Variants in HMGXB4 observed in about 807,000 individuals in gnomAD.
HMGXB4 encodes the protein HMG domain-containing protein 4.
HMGXB4 carries 27 observed loss-of-function variants against 63.9 expected under a neutral mutation model. That is an observed-to-expected ratio of 0.42 (90% CI 0.31 to 0.58). HMGXB4 has a LOEUF of 0.58. Among genes scored for constraint, HMGXB4 ranks in the 20% least tolerant of loss-of-function variants. The pLI, the probability that HMGXB4 is intolerant of heterozygous loss-of-function variation, is 0.13. For synonymous variants in HMGXB4, 264 were observed against 265.3 expected, an observed-to-expected ratio of 0.99 and a Z score of 0.05; for missense variants, 624 against 700.7, an observed-to-expected ratio of 0.89 and a Z score of 1.24.
chr22:35,259,329 A>G (rs1020371170), intron 1 of HMGXB4, among the ~76,000 whole-genome samples: 10 of 152,370 alleles, frequency 6.6e-5, no homozygotes, highest in African/African-American at 2.4e-4. Flanking sequence ...AGTTGACAAC[A>G]TTGAATTTTA....
intron 9 of HMGXB4, among the ~76,000 whole-genome samples, chr22:35,288,625 G>T (rs1212398496): frequency 2.0e-5 from 3 of 152,164 alleles, no homozygotes; most frequent in African/African-American, 7.2e-5. Context: ...TTTCACTAAT[G>T]ATATCCTATT....
intron 6 of HMGXB4, 141 bp from the exon 7 acceptor site, chr22:35,285,856 T>G: frequency 1.7e-6 from 1 of 599,730 alleles, no homozygotes; most frequent in Non-Finnish European, 2.9e-6. Flanking sequence ...AGTGATGGGA[T>G]TGGGGTTGGT....
At chr22:35,283,396 G>C (rs925402283) in intron 5 of HMGXB4, among the ~76,000 whole-genome samples, 25 of 152,296 alleles carry the variant, frequency 1.6e-4, no homozygotes, top group African/African-American at 6.0e-4. Context: ...ATTGTATATA[G>C]GGAGAAGGAA....
intron 5 of HMGXB4, among the ~76,000 whole-genome samples, chr22:35,279,721 C>T (rs868755788): frequency 1.2e-3 from 126 of 103,108 alleles, no homozygotes; most frequent in African/African-American, 4.5e-3. Context: ...ATCCAATTGT[C>T]CCAGCATCAT....
chr22:35,248,749 AG>A, the HMGXB4 span, among the ~76,000 whole-genome samples: 1 of 152,128 alleles, frequency 6.6e-6, no homozygotes, highest in Non-Finnish European at 1.5e-5. Context: ...AACCAGCTGA[AG>A]AAAAACTCAC....
the HMGXB4 span, among the ~76,000 whole-genome samples, chr22:35,247,279 G>A: frequency 6.6e-6 from 1 of 152,126 alleles, no homozygotes; most frequent in Admixed American, 6.5e-5. Context: ...TTTACTCTAG[G>A]GCTAATTTCC....
chr22:35,261,172 T>G (rs540968424), intron 1 of HMGXB4, among the ~76,000 whole-genome samples: 148 of 152,296 alleles, frequency 9.7e-4, no homozygotes, highest in Non-Finnish European at 1.9e-3. Flanking sequence ...GCGCGGTGGC[T>G]CACGCCTGTA....
intron 9 of HMGXB4, 127 bp from the exon 10 acceptor site, chr22:35,292,865 C>T: frequency 9.1e-7 from 1 of 1,098,494 alleles, no homozygotes; most frequent in Non-Finnish European, 1.3e-6. Flanking sequence ...GTAAACTTTC[C>T]ATTTCTGCTG....
rs143778741 is a variant in HMGXB4, at chr22:35,268,272, T to A, written c.1215+2669T>A. 3.2e-3 allele frequency among the ~76,000 whole-genome samples: 493 copies of A among 152,262 alleles called. 5 individuals carry two copies. Among genetic ancestry groups the A allele is most frequent in the African/African-American group, 0.011 (476 of 41,538 alleles). ...CCCCAGAGCCAACAACTGTTCTGAT[T>A]TTTTCCAGTCTTATCGTTCACTTTT... On this transcript the variant is annotated intron_variant, in intron 5 of 10. Transcript: ENST00000216106.
At position 35,283,556 on chromosome 22, in the gene HMGXB4, G is replaced by C. The variant is rs1050951548; in HGVS notation, c.1216-406G>C. Among the ~76,000 whole-genome samples, 6 of 152,278 alleles carry C rather than the reference G, an allele frequency of 3.9e-5. No homozygotes were observed. In the East Asian group the frequency reaches 1.2e-3, roughly 29 times the overall value. On this transcript the variant is annotated intron_variant, in intron 5 of 10. Coordinates refer to ENST00000216106, the MANE Select transcript of HMGXB4 (RefSeq NM_001003681.3). ...TGTAATCCCAGCACTTTGGGAGGCT[G>C]AGGTGGGCAGATCGCCTGAGGTCAG...
upstream of HMGXB4, among the ~76,000 whole-genome samples, chr22:35,256,853 C>G (rs1601619164): frequency 2.0e-5 from 3 of 152,152 alleles, no homozygotes; most frequent in East Asian, 5.8e-4. Flanking sequence ...ACTCATTGGT[C>G]GAAGTTCTCA....
intron 5 of HMGXB4, among the ~76,000 whole-genome samples, chr22:35,279,979 T>C (rs1332249044): frequency 6.6e-6 from 1 of 152,216 alleles, no homozygotes. Flanking sequence ...GTCTGTGGCC[T>C]CTTCATAAAA....
In HMGXB4 at chr22:35,265,199, G is replaced by A. The variant is rs561286969; in HGVS notation, c.811G>A (p.Ala271Thr). The stretch of plus-strand genomic sequence containing the variant: ...TGGCCCTGAAGGCTGTGGGTCTGAC[G>A]CCTCCCAGTTCGCAGAGTCCCACAG... ...SPGPEGCGSD[A>T]SQFAESHSAN... Residue 271 changes from alanine (A) to threonine (T), a missense_variant, in exon 5 of 11, where the codon GCC becomes ACC. Transcript: ENST00000216106. The A allele has an allele frequency of 5.0e-6, 8 of 1,614,064 alleles. No individual in the cohort carries two copies. In the African/African-American group the frequency reaches 5.3e-5, roughly 11 times the overall value.
At position 35,295,269 on chromosome 22, in the gene HMGXB4, G is replaced by A. The variant is rs1420700550; in HGVS notation, c.*1618G>A. 4 of 152,206 alleles carry A rather than the reference G, an allele frequency of 2.6e-5. No homozygotes were observed. The highest frequency in any genetic ancestry group is 9.7e-5 in the African/African-American group (4 of 41,444). The allele number at this position is 152,206 out of a possible 1,614,324, so 9.4% of individuals were successfully genotyped here. A position where few individuals can be genotyped will look rare whatever the true frequency, so the allele number is the denominator to read the frequency against. On this transcript the variant is annotated 3_prime_UTR_variant, in exon 11 of 11. Coordinates refer to ENST00000216106, the MANE Select transcript of HMGXB4 (RefSeq NM_001003681.3). ...GGGCTATGTTGCTTAAAGGTAGTCTGGCTGCTGAATCCCTTTCTCAGCTCA... is the reference window on the plus strand; with the variant it reads ...GGGCTATGTTGCTTAAAGGTAGTCTAGCTGCTGAATCCCTTTCTCAGCTCA...
chr22:35,246,433 G>A, the HMGXB4 span, among the ~76,000 whole-genome samples: 49 of 151,438 alleles, frequency 3.2e-4, no homozygotes, highest in East Asian at 8.2e-3. Flanking sequence ...CACCATGCCC[G>A]GCTAATTTTT....
rs192893706 is a variant in HMGXB4, at chr22:35,271,613, T to C, written c.1215+6010T>C. Among the ~76,000 whole-genome samples the C allele has an allele frequency of 1.2e-3, 189 of 152,306 alleles. 1 individual carries two copies. Among genetic ancestry groups the C allele is most frequent in the African/African-American group, 4.4e-3 (183 of 41,576 alleles). ...TCTAAGTTGAGGATAACAGACTTGC[T>C]TCCTAGGGTTGTGAGGATTAAATGA... On this transcript the variant is annotated intron_variant, in intron 5 of 10. Transcript: ENST00000216106.
intron 5 of HMGXB4, among the ~76,000 whole-genome samples, chr22:35,266,930 G>A (rs1278496803): frequency 6.6e-6 from 1 of 152,164 alleles, no homozygotes; most frequent in African/African-American, 2.4e-5. Flanking sequence ...GCTACAGTGA[G>A]CTATAATCTT....
At chr22:35,283,588 G>A (rs1037239558) in intron 5 of HMGXB4, among the ~76,000 whole-genome samples, 2 of 152,044 alleles carry the variant, frequency 1.3e-5, no homozygotes, top group East Asian at 1.9e-4. Context: ...TCAGGAGTTC[G>A]AGACCAGCCT....
chr22:35,278,775 A>T (rs530515815), intron 5 of HMGXB4, among the ~76,000 whole-genome samples: 1 of 150,998 alleles, frequency 6.6e-6, no homozygotes, highest in South Asian at 2.1e-4. Context: ...CGGCCTCCTG[A>T]GTAGCTGGGG....
Sources: gnomAD v4.1 joint callset for allele counts (sites outside exome capture counted in the v4.1 genomes callset) on GRCh38, gnomAD v4.1.1 for gene constraint, MANE v1.5 for transcripts, NCBI Gene and HGNC (gene_info 2026-07-23, HGNC 2026-07-21) for gene names.